The following ZFR2 variants were observed in gnomAD, a reference collection of about 807,000 sequenced individuals.
The protein encoded by ZFR2 is zinc finger RNA-binding protein 2.
In ZFR2, 104 loss-of-function variants were observed where a neutral mutation model predicts 105.7. That is an observed-to-expected ratio of 0.98 (90% confidence interval 0.84 to 1.16). The LOEUF (loss-of-function observed/expected upper bound fraction) is 1.16, where lower values mean the gene tolerates loss of function less well. ZFR2 is among the 50% of genes most tolerant of loss of function. ZFR2 has a pLI of 0.00. For missense variants in ZFR2, 1,425 were observed against 1,355.5 expected, an observed-to-expected ratio of 1.05 and a Z score of -0.80; for synonymous variants, 634 against 597.7, an observed-to-expected ratio of 1.06 and a Z score of -0.89.
intron 1 of ZFR2, among the ~76,000 whole-genome samples, chr19:3,861,880 C>T (rs1424691798): frequency 1.3e-5 from 2 of 152,194 alleles, no homozygotes; most frequent in African/African-American, 4.8e-5. Context: ...GAGCCGAGAT[C>T]GCGCCATTGC....
chr19:3,809,023 G>A (rs751523429), intron 16 of ZFR2, 40 bp from the exon 17 acceptor site: 47 of 1,471,686 alleles, frequency 3.2e-5, no homozygotes, highest in South Asian at 2.6e-4. Flanking sequence ...TTTTGGGCGC[G>A]CGGCAGCCCC....
Position 3,816,722 on chromosome 19 carries a change from C to T in ZFR2, c.2055G>A (p.Thr685=), listed in dbSNP as rs367706746. ...RLALLCSEKP[T]HSLLRRIAQQ... ...GGGCGATCCTCCGCAGCAGGCTGTGCGTGGGCTTCTCGGAGCAGAGCAGAG... is the reference window on the plus strand; with the variant it reads ...GGGCGATCCTCCGCAGCAGGCTGTGTGTGGGCTTCTCGGAGCAGAGCAGAG... Residue 685 remains threonine, a synonymous_variant, in exon 13 of 19, where the codon ACG becomes ACA. Transcript: ENST00000262961. The T allele has an allele frequency of 1.8e-5, 29 of 1,612,314 alleles. No individual in the cohort carries two copies. The highest frequency in any genetic ancestry group is 2.2e-5 in the South Asian group (2 of 91,054).
chr19:3,822,098 G>A lies in ZFR2; in HGVS notation c.1474C>T (p.His492Tyr), dbSNP rs748858287. The change falls in exon 9 of 19, where the codon CAC becomes TAC. Residue 492 changes from histidine (H) to tyrosine (Y), a missense_variant. Coordinates refer to ENST00000262961, the MANE Select transcript of ZFR2 (RefSeq NM_015174.2). ...GGACGCACCCGGTACTGCAGCCGGTGCCGCCGCCCCCTCACGTGCAGGTCC... is the reference window on the plus strand; with the variant it reads ...GGACGCACCCGGTACTGCAGCCGGTACCGCCGCCCCCTCACGTGCAGGTCC... ...AKDLHVRGRR[H>Y]RLQYRKKVNP... The A allele has an allele frequency of 1.4e-5, 23 of 1,606,628 alleles. No homozygotes were observed. In the South Asian group the frequency reaches 2.2e-4, roughly 16 times the overall value.
In ZFR2 at chr19:3,813,933, A is replaced by G; in HGVS notation, c.2129T>C (p.Val710Ala). The change falls in exon 14 of 19, where the codon GTC (valine) becomes GCC (alanine). Residue 710 changes from valine to alanine, a missense_variant. Physicochemically the swap from Val to Ala is moderately conservative, Grantham distance 64. Transcript: ENST00000262961. The surrounding 1 kb of genome is among the most constrained non-coding windows in gnomAD (Gnocchi z 4.4). ...LQMVTEDEYE[V>A]SSDPEANIVI... ...AATGTTGGCTTCAGGGTCGGAGGAGACCTCATACTCATCCTCGGTCACCAT... is the reference window on the plus strand; with the variant it reads ...AATGTTGGCTTCAGGGTCGGAGGAGGCCTCATACTCATCCTCGGTCACCAT... The G allele has an allele frequency of 6.2e-7, 1 of 1,613,690 alleles. No individual in the cohort carries two copies. Among genetic ancestry groups the G allele is most frequent in the Non-Finnish European group, 8.5e-7 (1 of 1,179,806 alleles).
At chr19:3,867,302 G>GC (rs1555762867) in intron 1 of ZFR2, among the ~76,000 whole-genome samples, 3 of 68,110 alleles carry the variant, frequency 4.4e-5, no homozygotes, top group African/African-American at 2.3e-4. Context: ...ATGATCAACT[G>GC]TTGGGGGGGG....
Position 3,807,154 on chromosome 19 carries a change from G to C in ZFR2, c.2643+18C>G. The C allele has an allele frequency of 6.5e-7, 1 of 1,544,104 alleles. No homozygotes were observed. Among genetic ancestry groups the C allele is most frequent in the Non-Finnish European group, 8.8e-7 (1 of 1,141,304 alleles). ...CTGGGGCCTGGGTGTCACCCTTGCCGTGACTTGACCCTCCTACCTGGGCGC... is the reference window on the plus strand; with the variant it reads ...CTGGGGCCTGGGTGTCACCCTTGCCCTGACTTGACCCTCCTACCTGGGCGC... On this transcript the variant is annotated intron_variant, in intron 18 of 18. Transcript: ENST00000262961.
Position 3,868,914 on chromosome 19 carries a change from C to A in ZFR2, c.53+51G>T, listed in dbSNP as rs968808211. Reference sequence around the variant, plus strand: ...GGAGAAGGGGTAGGCGGGGTCCCGGCCAGGCTGCAGGGGCCGGGACTGGCG... The same window carrying A: ...GGAGAAGGGGTAGGCGGGGTCCCGGACAGGCTGCAGGGGCCGGGACTGGCG... On this transcript the variant is annotated intron_variant, in intron 1 of 18. Transcript: ENST00000262961. 29 of 1,246,306 alleles carry A rather than the reference C, an allele frequency of 2.3e-5. No individual in the cohort carries two copies. In the African/African-American group the frequency reaches 4.4e-4, roughly 19 times the overall value. 77.2% of individuals were successfully genotyped at this position (1,246,306 alleles called of 1,614,324 possible).
chr19:3,811,264 C>T lies in ZFR2; in HGVS notation c.2337+8G>A. ...CCTCTCCCCCTGCTCCACCCCTGCC[C>T]CCCTGACCTGAAACCACCTGGCATG... On this transcript the variant is annotated splice_region_variant and intron_variant, in intron 15 of 18. Transcript: ENST00000262961. 1 of 1,576,152 alleles carries T rather than the reference C, an allele frequency of 6.3e-7. No individual in the cohort carries two copies.
At chr19:3,815,669 G>A (rs145512060) in intron 13 of ZFR2, among the ~76,000 whole-genome samples, 93 of 151,690 alleles carry the variant, frequency 6.1e-4, no homozygotes, top group African/African-American at 1.5e-3. Context: ...CTGAAGCCTC[G>A]AACTCTTGGG....
chr19:3,807,281 G>T lies in ZFR2; in HGVS notation c.2546-12C>A. On this transcript the variant is annotated splice_polypyrimidine_tract_variant and intron_variant, in intron 17 of 18. Coordinates refer to ENST00000262961, the MANE Select transcript of ZFR2 (RefSeq NM_015174.2). Reference sequence around the variant, plus strand: ...GAGCCCGGGCCCGTCTTTGTGACGGGGAGTGGGAACAGCAAAGAAGGCGAG... The same window carrying T: ...GAGCCCGGGCCCGTCTTTGTGACGGTGAGTGGGAACAGCAAAGAAGGCGAG... The T allele has an allele frequency of 6.5e-7, 1 of 1,546,988 alleles. No homozygotes were observed. The highest frequency in any genetic ancestry group is 8.8e-7 in the Non-Finnish European group (1 of 1,142,556).
At position 3,831,818 on chromosome 19, in the gene ZFR2, G is replaced by C; in HGVS notation, c.440C>G (p.Pro147Arg). The C allele has an allele frequency of 1.9e-6, 3 of 1,608,170 alleles. No individual in the cohort carries two copies. The highest frequency in any genetic ancestry group is 2.5e-6 in the Non-Finnish European group (3 of 1,179,182). The change falls in exon 4 of 19, where the codon CCA becomes CGA. Residue 147 changes from proline to arginine, a missense_variant. Physicochemically the swap from Pro to Arg is moderately radical, Grantham distance 103. Transcript: ENST00000262961. The stretch of plus-strand genomic sequence containing the variant: ...GGACTCCACTATGGGCGCCTGCTGT[G>C]GGGGCTGAGCGTGGCTGTGACTGCC... ...PHGSHSHAQP[P>R]QQAPIVESGQ...
At chr19:3,860,568 GC>G (rs1568434536) in intron 1 of ZFR2, among the ~76,000 whole-genome samples, 1 of 152,160 alleles carries the variant, frequency 6.6e-6, no homozygotes, top group Non-Finnish European at 1.5e-5. Context: ...CCTCTGCCCT[GC>G]TGAGAAGGAA....
chr19:3,810,688 T>A, intron 16 of ZFR2, 62 bp downstream of exon 16: 1 of 1,449,420 alleles, frequency 6.9e-7, no homozygotes, highest in Non-Finnish European at 9.3e-7. Flanking sequence ...CCTGGGCCTG[T>A]CAGGGCCATG....
At chr19:3,836,849 G>C (rs2038080101) in intron 1 of ZFR2, among the ~76,000 whole-genome samples, 1 of 152,180 alleles carries the variant, frequency 6.6e-6, no homozygotes, top group South Asian at 2.1e-4. Context: ...CCAGTAGACA[G>C]TTCTGGAGTC....
In ZFR2 at chr19:3,810,750, C is replaced by T. The variant is rs1365497008; in HGVS notation, c.2433G>A (p.Trp811Ter). The change falls in exon 16 of 19, where the codon TGG becomes TGA. Residue 811 changes from tryptophan (W) to a stop codon, truncating the protein, a stop_gained and splice_region_variant. Transcript: ENST00000262961. LOFTEE classifies it high-confidence loss of function. ...GCCGGGCCGCCAGGCACTGCCTTAC[C>T]CAGGCTGGCAGGGCCCCCCAGGTGG... ...RVPTWGALPA[W>*]AMELLVEKAV... 2.6e-6 allele frequency: 4 copies of T among 1,549,130 alleles called. No homozygotes were observed. The highest frequency in any genetic ancestry group is 2.6e-6 in the Non-Finnish European group (3 of 1,146,300).
chr19:3,816,158 C>T lies in ZFR2; in HGVS notation c.2103+516G>A, dbSNP rs2037822639. On this transcript the variant is annotated intron_variant, in intron 13 of 18. Transcript: ENST00000262961. ...TCGAGTGATCCTCCTGCCTCAGCCT[C>T]TCAAAGTGCTGGGATTTCAGGTGTG... Among the ~76,000 whole-genome samples the T allele has an allele frequency of 2.0e-5, 3 of 151,918 alleles. No individual in the cohort carries two copies. In the South Asian group the frequency reaches 6.2e-4, roughly 32 times the overall value.
intron 17 of ZFR2, among the ~76,000 whole-genome samples, chr19:3,808,191 G>T (rs1220922523): frequency 6.7e-6 from 1 of 150,364 alleles, no homozygotes; most frequent in Non-Finnish European, 1.5e-5. Context: ...GTGCATGCAC[G>T]TGCCTGTGTA....
chr19:3,811,602 C>G (rs950248113), intron 14 of ZFR2, among the ~76,000 whole-genome samples: 2 of 150,526 alleles, frequency 1.3e-5, no homozygotes, highest in Non-Finnish European at 3.0e-5. Context: ...TTACAGGTGC[C>G]CGCCACCACA....
rs778965155 is a variant in ZFR2, at chr19:3,819,057, C to A, written c.1919G>T (p.Gly640Val). Residue 640 changes from glycine (G) to valine (V), a missense_variant, in exon 12 of 19, where the codon GGT becomes GTT. Coordinates refer to ENST00000262961, the MANE Select transcript of ZFR2 (RefSeq NM_015174.2). ...EEDRGRREEE[G>V]DKRSSVAPQT... is the part of the protein sequence containing the mutation. ...GATCTCCAATGACCTGCGCTTGTCACCCTCTTCCTCTCGGCGGCCCCGGTC... is the reference window on the plus strand; with the variant it reads ...GATCTCCAATGACCTGCGCTTGTCAACCTCTTCCTCTCGGCGGCCCCGGTC... 6.8e-6 allele frequency: 11 copies of A among 1,612,318 alleles called. No homozygotes were observed. The highest frequency in any genetic ancestry group is 9.3e-6 in the Non-Finnish European group (11 of 1,179,702).
Sources: allele counts gnomAD v4.1 joint callset (sites outside exome capture counted in the v4.1 genomes callset), GRCh38; gene constraint gnomAD v4.1.1; non-coding constraint Gnocchi (gnomAD v3.1); transcripts MANE v1.5; gene names NCBI Gene and HGNC (gene_info 2026-07-23, HGNC 2026-07-21).